FBXO31: variants seen among roughly 807,000 people sequenced by gnomAD.
FBXO31 encodes F-box protein 31.
Under a neutral mutation model 54.4 loss-of-function variants are expected in FBXO31, and 24 were observed. That is an observed-to-expected ratio of 0.44 (90% confidence interval 0.32 to 0.62). FBXO31 has a LOEUF of 0.62. Ranked by LOEUF, FBXO31 falls within the 20% of genes least tolerant of loss-of-function variation. The probability of loss-of-function intolerance (pLI) is 0.05; values close to 1 mark genes in which losing one functional copy is unlikely to be tolerated. For missense variants in FBXO31, 665 were observed against 787.1 expected (o/e 0.84, Z 1.86); for synonymous variants, 388 against 335.6 (o/e 1.16, Z -1.71).
upstream of FBXO31, chr16:87,391,530 G>A (rs1907549925): frequency 6.6e-6 from 1 of 152,366 alleles, no homozygotes; most frequent in Admixed American, 6.5e-5. Flanking sequence ...GGGTAGACAG[G>A]GCGGCTAGCG....
intron 1 of FBXO31, among the ~76,000 whole-genome samples, chr16:87,382,332 T>C (rs1168158334): frequency 6.6e-6 from 1 of 152,222 alleles, no homozygotes. Context: ...GTGGTTTATT[T>C]TTGACTGCTG....
intron 1 of FBXO31, among the ~76,000 whole-genome samples, chr16:87,368,950 C>T (rs560394772): frequency 2.0e-5 from 3 of 152,266 alleles, no homozygotes; most frequent in Admixed American, 6.5e-5. Flanking sequence ...CACGTGCCCG[C>T]CACCACACCT....
rs140586343 is a variant in FBXO31 at position 87,364,062 on chromosome 16, C to T, written c.341-3696G>A. 7.1e-3 allele frequency among the ~76,000 whole-genome samples: 1,086 copies of T among 152,302 alleles called. 15 individuals carry two copies. Among genetic ancestry groups the T allele is most frequent in the African/African-American group, 0.025 (1,025 of 41,560 alleles). On this transcript the variant is annotated intron_variant, in intron 1 of 8. Transcript: ENST00000311635. ...TGCGGCCGCAGGCTGGCAGCCGCCC[C>T]ACCTCCTGTTCCATTATAATCTTAT...
chr16:87,346,509 G>T lies in FBXO31; in HGVS notation c.489+665C>A, dbSNP rs539600198. 6.6e-6 allele frequency among the ~76,000 whole-genome samples: 1 copy of T among 152,234 alleles called. No individual in the cohort carries two copies. Among genetic ancestry groups the T allele is most frequent in the African/African-American group, 2.4e-5 (1 of 41,446 alleles). On this transcript the variant is annotated intron_variant, in intron 3 of 8. Coordinates refer to ENST00000311635, the MANE Select transcript of FBXO31 (RefSeq NM_024735.5). This position sits in a 1 kb window ranked among gnomAD's most constrained non-coding sequence, Gnocchi z 4.2. ...ATGATCAAGTACCCAGGACTAGACA[G>T]GCACTGCCATGGCAGACCCAACGAA...
At chr16:87,348,580 A>C (rs897811055) in intron 2 of FBXO31, among the ~76,000 whole-genome samples, 1 of 152,130 alleles carries the variant, frequency 6.6e-6, no homozygotes, top group Non-Finnish European at 1.5e-5. Context: ...ATAAGCCAAC[A>C]TATAGGGTGC....
chr16:87,339,034 G>C (rs796421115), intron 5 of FBXO31, among the ~76,000 whole-genome samples: 35 of 152,100 alleles, frequency 2.3e-4, no homozygotes, highest in African/African-American at 8.2e-4. Context: ...TGCGCCTTTC[G>C]CCTTCCACCA....
upstream of FBXO31, chr16:87,391,596 A>T (rs534455302): frequency 6.6e-6 from 1 of 152,298 alleles, no homozygotes; most frequent in African/African-American, 2.4e-5. Context: ...AAAATCTTAC[A>T]GCCACCAGGA....
intron 2 of FBXO31, among the ~76,000 whole-genome samples, chr16:87,359,380 A>G (rs1468308539): frequency 6.6e-6 from 1 of 152,030 alleles, no homozygotes; most frequent in Non-Finnish European, 1.5e-5. Flanking sequence ...TCCGACCCCC[A>G]CAGCTGGAAG....
intron 1 of FBXO31, chr16:87,367,855 C>T (rs1178919288): frequency 6.6e-6 from 1 of 152,258 alleles, no homozygotes; most frequent in East Asian, 1.9e-4. Flanking sequence ...GCCATCAATA[C>T]TGTTCCTGAG....
intron 2 of FBXO31, among the ~76,000 whole-genome samples, chr16:87,348,884 A>C (rs1905516479): frequency 6.6e-6 from 1 of 152,254 alleles, no homozygotes; most frequent in South Asian, 2.1e-4. Flanking sequence ...CTGAGCACTC[A>C]GCAAGGCAGG....
intron 2 of FBXO31, among the ~76,000 whole-genome samples, chr16:87,348,753 C>T (rs1382737065): frequency 6.6e-6 from 1 of 152,162 alleles, no homozygotes; most frequent in Admixed American, 6.5e-5. Context: ...TATGAGAGGG[C>T]GGCCTGCACT....
intron 1 of FBXO31, among the ~76,000 whole-genome samples, chr16:87,380,892 G>T (rs1907048288): frequency 6.6e-6 from 1 of 152,170 alleles, no homozygotes; most frequent in Admixed American, 6.5e-5. Flanking sequence ...TGTAATTCCG[G>T]TTGTTCTATT....
At position 87,329,594 on chromosome 16, in the gene FBXO31, C is replaced by T. The variant is rs1421858519; in HGVS notation, c.*1694G>A. On this transcript the variant is annotated 3_prime_UTR_variant, in exon 9 of 9. Coordinates refer to ENST00000311635, the MANE Select transcript of FBXO31 (RefSeq NM_024735.5). ...TTTGGCAAGAGAGAAAAACAGTGACCACCACAGAGGGCAGGGAGTGACAAA... is the reference window on the plus strand; with the variant it reads ...TTTGGCAAGAGAGAAAAACAGTGACTACCACAGAGGGCAGGGAGTGACAAA... 1.3e-5 allele frequency: 2 copies of T among 152,252 alleles called. No individual in the cohort carries two copies. The highest frequency in any genetic ancestry group is 4.8e-5 in the African/African-American group (2 of 41,450). 9.4% of individuals were successfully genotyped at this position (152,252 alleles called of 1,614,324 possible).
Position 87,342,884 on chromosome 16 carries a change from C to T in FBXO31, c.725G>A (p.Arg242Lys), listed in dbSNP as rs1245223336. Residue 242 changes from arginine to lysine, a missense_variant, in exon 5 of 9, where the codon AGG becomes AAG. By Grantham distance (26) the Arg-to-Lys change is conservative (BLOSUM62 2). Transcript: ENST00000311635. ...GCCGGCTGGTGGGCTCACCTCCTGCCTCCCGCCGGACATCCTGTGGTGGTC... is the reference window on the plus strand; with the variant it reads ...GCCGGCTGGTGGGCTCACCTCCTGCTTCCCGCCGGACATCCTGTGGTGGTC... ...QTDHHRMSGGRQEEFRTWLRE... is the reference protein window; with the variant it reads ...QTDHHRMSGGKQEEFRTWLRE... 4.4e-6 allele frequency: 7 copies of T among 1,600,202 alleles called. No individual in the cohort carries two copies. Among genetic ancestry groups the T allele is most frequent in the Non-Finnish European group, 6.0e-6 (7 of 1,173,770 alleles).
intron 5 of FBXO31, among the ~76,000 whole-genome samples, chr16:87,339,102 A>G (rs1230325607): frequency 6.6e-6 from 1 of 152,192 alleles, no homozygotes; most frequent in Non-Finnish European, 1.5e-5. Flanking sequence ...TCTTTCCCTT[A>G]TAAATTACCC....
chr16:87,342,664 G>T (rs1216803724), intron 5 of FBXO31, among the ~76,000 whole-genome samples: 1 of 152,204 alleles, frequency 6.6e-6, no homozygotes, highest in Non-Finnish European at 1.5e-5. Flanking sequence ...CGTTCTGCAG[G>T]GGGAGGGGAC....
At chr16:87,365,189 G>A (rs1321281780) in intron 1 of FBXO31, among the ~76,000 whole-genome samples, 6 of 150,712 alleles carry the variant, frequency 4.0e-5, no homozygotes, top group African/African-American at 1.5e-4. Flanking sequence ...ATGAGCCTCT[G>A]GGCCAGGCCA....
chr16:87,331,181 C>T lies in FBXO31; in HGVS notation c.*107G>A, dbSNP rs537326411. On this transcript the variant is annotated 3_prime_UTR_variant, in exon 9 of 9. Transcript: ENST00000311635. ...GGACTGGGCCCCCCGACGAGGTGTG[C>T]GTTCTGGTCAAAAGGCCGGATTTCC... The T allele has an allele frequency of 2.5e-5, 28 of 1,107,806 alleles. No individual in the cohort carries two copies. The highest frequency in any genetic ancestry group is 1.3e-4 in the East Asian group (5 of 39,270). 68.6% of individuals were successfully genotyped at this position (1,107,806 alleles called of 1,614,324 possible).
chr16:87,363,253 G>A (rs1597373019), intron 1 of FBXO31, among the ~76,000 whole-genome samples: 1 of 152,096 alleles, frequency 6.6e-6, no homozygotes, highest in East Asian at 1.9e-4. Flanking sequence ...GCATGGTGGT[G>A]CATGCCTGTA....
Sources: gnomAD v4.1 joint callset for allele counts (sites outside exome capture counted in the v4.1 genomes callset) on GRCh38, gnomAD v4.1.1 for gene constraint, Gnocchi (gnomAD v3.1) non-coding constraint, MANE v1.5 for transcripts, NCBI Gene and HGNC (gene_info 2026-07-23, HGNC 2026-07-21) for gene names.